Variants in LRIF1 observed in about 807,000 individuals in gnomAD.
The protein encoded by LRIF1 is ligand-dependent nuclear receptor-interacting factor 1.
LRIF1 carries 32 observed loss-of-function variants against 52.7 expected under a neutral mutation model. The observed-to-expected ratio is 0.61, with a 90% CI of 0.46 to 0.82. LRIF1 has a LOEUF of 0.82. LRIF1 is among the 40% of genes least tolerant of loss of function. The pLI, the probability that LRIF1 is intolerant of heterozygous loss-of-function variation, is 0.00. For missense variants in LRIF1, 887 were observed against 892.0 expected (o/e 0.99, Z 0.07); for synonymous variants, 323 against 317.4 (o/e 1.02, Z -0.19).
chr1:110,949,277 C>T (rs1235896595), intron 3 of LRIF1, among the ~76,000 whole-genome samples: 2 of 151,948 alleles, frequency 1.3e-5, no homozygotes, highest in Non-Finnish European at 2.9e-5. Flanking sequence ...TGCTACCTCA[C>T]CCAGCTAATT....
At chr1:110,924,895 T>C in the LRIF1 span, among the ~76,000 whole-genome samples, 3 of 152,190 alleles carry the variant, frequency 2.0e-5, no homozygotes, top group Non-Finnish European at 2.9e-5. Flanking sequence ...ATTAGAAAAC[T>C]AACGTAATTC....
At chr1:110,950,357 A>C (rs573259098) in intron 2 of LRIF1, among the ~76,000 whole-genome samples, 42 of 152,352 alleles carry the variant, frequency 2.8e-4, no homozygotes, top group African/African-American at 9.9e-4. Context: ...AAAGGTAATA[A>C]GTAGTCAATT....
chr1:110,960,492 T>C (rs568933714), intron 1 of LRIF1, among the ~76,000 whole-genome samples: 2 of 152,312 alleles, frequency 1.3e-5, no homozygotes, highest in South Asian at 2.1e-4. Flanking sequence ...TATGGGAAGA[T>C]AGCTGCCAAT....
chr1:110,909,925 A>C, the LRIF1 span, among the ~76,000 whole-genome samples: 1 of 152,202 alleles, frequency 6.6e-6, no homozygotes, highest in East Asian at 1.9e-4. Context: ...TTAAACCAAC[A>C]ACAATCAAAA....
chr1:110,957,899 T>C (rs1017842727), intron 1 of LRIF1, among the ~76,000 whole-genome samples: 15 of 152,246 alleles, frequency 9.9e-5, no homozygotes, highest in African/African-American at 3.6e-4. Flanking sequence ...TTAACCCATT[T>C]CATCCATCTT....
the LRIF1 span, among the ~76,000 whole-genome samples, chr1:110,908,689 TA>T: frequency 0.011 from 1,601 of 150,922 alleles, 14 homozygotes; most frequent in Middle Eastern, 0.027. Context: ...CAGATAAAAA[TA>T]AAAAAAAATA....
At chr1:110,895,114 C>A in the LRIF1 span, 1 of 1,246,450 alleles carries the variant, frequency 8.0e-7, no homozygotes, top group Non-Finnish European at 1.2e-6. Context: ...AGCCTAAATC[C>A]TTGGGGGCTA....
the LRIF1 span, among the ~76,000 whole-genome samples, chr1:110,935,152 T>C: frequency 1.3e-5 from 2 of 152,212 alleles, no homozygotes; most frequent in African/African-American, 2.4e-5. Context: ...ATAAAACAGA[T>C]ACAACTTAGA....
the LRIF1 span, among the ~76,000 whole-genome samples, chr1:110,909,295 G>T: frequency 2.6e-5 from 4 of 152,038 alleles, no homozygotes; most frequent in Non-Finnish European, 5.9e-5. Flanking sequence ...AGAGCTTACT[G>T]CCATTATAAA....
the LRIF1 span, among the ~76,000 whole-genome samples, chr1:110,924,579 A>C: frequency 6.6e-6 from 1 of 152,242 alleles, no homozygotes; most frequent in Non-Finnish European, 1.5e-5. Context: ...AGAACTCACT[A>C]TCATGAGAAC....
the LRIF1 span, chr1:110,939,318 C>A: frequency 7.1e-6 from 1 of 140,816 alleles, no homozygotes; most frequent in Non-Finnish European, 1.5e-5. Context: ...GCGGAGCTTG[C>A]AGTGAGCCGA....
the LRIF1 span, among the ~76,000 whole-genome samples, chr1:110,882,005 C>T: frequency 6.6e-6 from 1 of 152,110 alleles, no homozygotes; most frequent in South Asian, 2.1e-4. Context: ...TGTTTTTATA[C>T]TCTGGATACA....
chr1:110,877,204 G>T, the LRIF1 span, among the ~76,000 whole-genome samples: 15 of 152,246 alleles, frequency 9.9e-5, no homozygotes, highest in Admixed American at 3.3e-4. Flanking sequence ...GAAGAGTAAG[G>T]TCAGTTCTTT....
chr1:110,938,553 C>T, the LRIF1 span: 22 of 152,204 alleles, frequency 1.4e-4, no homozygotes, highest in African/African-American at 5.3e-4. Context: ...AGAAGGAACA[C>T]ACTTCAACAT....
chr1:110,916,951 C>G, the LRIF1 span, among the ~76,000 whole-genome samples: 3 of 152,320 alleles, frequency 2.0e-5, no homozygotes, highest in South Asian at 6.2e-4. Context: ...TTAGGGTGTG[C>G]CACAAGACAT....
chr1:110,886,869 A>ATTTATTTT, the LRIF1 span, among the ~76,000 whole-genome samples: 1 of 82,800 alleles, frequency 1.2e-5, no homozygotes. Flanking sequence ...ATATATATAT[A>ATTTATTTT]TTTTTTTTTT....
At chr1:110,886,859 ATATATATATAT>A in the LRIF1 span, among the ~76,000 whole-genome samples, 1 of 74,096 alleles carries the variant, frequency 1.3e-5, no homozygotes, top group Non-Finnish European at 3.0e-5. Flanking sequence ...ATATATATAT[ATATATATATAT>A]TTTTTTTTTC....
the LRIF1 span, among the ~76,000 whole-genome samples, chr1:110,891,004 A>T: frequency 6.6e-6 from 1 of 152,252 alleles, no homozygotes; most frequent in African/African-American, 2.4e-5. Context: ...GGCTTTCTTG[A>T]TGGCTGATTG....
chr1:110,930,185 GT>G, the LRIF1 span, among the ~76,000 whole-genome samples: 1 of 152,066 alleles, frequency 6.6e-6, no homozygotes, highest in Non-Finnish European at 1.5e-5. Flanking sequence ...GTCGGCAACA[GT>G]TCTTCAATTT....
Sources: gnomAD v4.1 joint callset for allele counts (sites outside exome capture counted in the v4.1 genomes callset) on GRCh38, gnomAD v4.1.1 for gene constraint, MANE v1.5 for transcripts, NCBI Gene and HGNC (gene_info 2026-07-23, HGNC 2026-07-21) for gene names.